The following PARM1 variants were observed in gnomAD, a reference collection of about 807,000 sequenced individuals.
PARM1 encodes the protein prostate androgen-regulated mucin-like protein 1.
PARM1 carries 14 observed loss-of-function variants against 24.6 expected under a neutral mutation model. That is an observed-to-expected ratio of 0.57 (90% CI 0.38 to 0.89). The LOEUF (loss-of-function observed/expected upper bound fraction) is 0.89, where lower values mean the gene tolerates loss of function less well. Ranked by LOEUF, PARM1 falls within the 40% of genes least tolerant of loss-of-function variation. PARM1 has a pLI of 0.00. For synonymous variants in PARM1, 179 were observed against 156.6 expected (o/e 1.14, Z -1.07); for missense variants, 362 against 380.4 (o/e 0.95, Z 0.40).
At chr4:74,987,777 A>T (rs189651839) in intron 1 of PARM1, among the ~76,000 whole-genome samples, 18 of 152,230 alleles carry the variant, frequency 1.2e-4, no homozygotes, top group Admixed American at 1.1e-3. Context: ...TTTGAAAGAG[A>T]TTAAAATCAG....
intron 1 of PARM1, among the ~76,000 whole-genome samples, chr4:75,007,245 G>A (rs1056155126): frequency 2.0e-5 from 3 of 152,184 alleles, no homozygotes; most frequent in Non-Finnish European, 4.4e-5. Context: ...GAGAGGATGT[G>A]GAGAAATAGG....
chr4:74,943,784 T>C (rs1578021922), intron 1 of PARM1, among the ~76,000 whole-genome samples: 1 of 152,300 alleles, frequency 6.6e-6, no homozygotes, highest in African/African-American at 2.4e-5. Context: ...TGATGAAAAG[T>C]GATTTGAGTC....
intron 1 of PARM1, among the ~76,000 whole-genome samples, chr4:74,971,963 A>G (rs900867096): frequency 2.6e-5 from 4 of 152,230 alleles, no homozygotes; most frequent in Admixed American, 6.5e-5. Context: ...AGCCACAAGC[A>G]TAATAATTTT....
intron 1 of PARM1, among the ~76,000 whole-genome samples, chr4:74,934,247 G>T (rs1721129103): frequency 6.6e-6 from 1 of 152,114 alleles, no homozygotes; most frequent in Non-Finnish European, 1.5e-5. Context: ...TCCAGAAAAC[G>T]TCTCCCGAAA....
rs565350651 is a variant in PARM1 at position 74,935,319 on chromosome 4, A to G, written c.43+1949A>G. On this transcript the variant is annotated intron_variant, in intron 1 of 3. Transcript: ENST00000307428. ...TTGTGCCTTTGAAGGAATCTCTTTAAGACGTCAGTTTGTTGTTAGAGCTAC... is the reference window on the plus strand; with the variant it reads ...TTGTGCCTTTGAAGGAATCTCTTTAGGACGTCAGTTTGTTGTTAGAGCTAC... Among the ~76,000 whole-genome samples the G allele has an allele frequency of 9.8e-5, 15 of 152,334 alleles. No individual in the cohort carries two copies. In the East Asian group the frequency reaches 1.9e-3, roughly 20 times the overall value.
intron 2 of PARM1, among the ~76,000 whole-genome samples, chr4:75,021,674 C>T (rs770823630): frequency 2.4e-4 from 37 of 152,166 alleles, no homozygotes; most frequent in Non-Finnish European, 4.9e-4. Context: ...TACGTATACT[C>T]GAGGTTTACC....
Position 75,015,323 on chromosome 4 carries a change from G to C in PARM1, c.769+2173G>C, listed in dbSNP as rs570514549. ...CAGCAGGGTCAAGAGGCCCCAAATT[G>C]GTGGCAGTTGGCTCATAAACCTTGA... On this transcript the variant is annotated intron_variant, in intron 2 of 3. Coordinates refer to ENST00000307428, the MANE Select transcript of PARM1 (RefSeq NM_015393.4). Among the ~76,000 whole-genome samples, 3 of 152,290 alleles carry C rather than the reference G, an allele frequency of 2.0e-5. No individual in the cohort carries two copies. In the East Asian group the frequency reaches 5.8e-4, roughly 29 times the overall value.
At chr4:74,950,392 A>G (rs191698972) in intron 1 of PARM1, among the ~76,000 whole-genome samples, 5 of 152,098 alleles carry the variant, frequency 3.3e-5, no homozygotes, top group East Asian at 1.9e-4. Context: ...CATCACTTCA[A>G]TCTCCACCTC....
chr4:74,948,951 G>A (rs539219825), intron 1 of PARM1, among the ~76,000 whole-genome samples: 137 of 152,232 alleles, frequency 9.0e-4, no homozygotes, highest in Non-Finnish European at 1.5e-3. Context: ...GAACCCAGGA[G>A]GCGGAGGTTG....
chr4:75,018,152 T>C (rs1452259390), intron 2 of PARM1, among the ~76,000 whole-genome samples: 1 of 152,214 alleles, frequency 6.6e-6, no homozygotes, highest in Non-Finnish European at 1.5e-5. Context: ...TAGCCATGAG[T>C]AATACAGTCA....
intron 1 of PARM1, among the ~76,000 whole-genome samples, chr4:74,969,178 C>T (rs1291670269): frequency 6.6e-6 from 1 of 152,202 alleles, no homozygotes; most frequent in Non-Finnish European, 1.5e-5. Flanking sequence ...CCGACATCCC[C>T]TACTCTTTCT....
At chr4:75,019,399 C>T (rs1210148342) in intron 2 of PARM1, among the ~76,000 whole-genome samples, 2 of 152,204 alleles carry the variant, frequency 1.3e-5, no homozygotes, top group Non-Finnish European at 2.9e-5. Context: ...TCTCTTTTGT[C>T]TGTAAAATCC....
chr4:74,984,254 A>G (rs1025076472), intron 1 of PARM1, among the ~76,000 whole-genome samples: 1 of 152,228 alleles, frequency 6.6e-6, no homozygotes, highest in Non-Finnish European at 1.5e-5. Context: ...AAAAATTGAA[A>G]AGTGTTCTAT....
chr4:74,959,722 T>G (rs1471625620), intron 1 of PARM1, among the ~76,000 whole-genome samples: 1 of 152,254 alleles, frequency 6.6e-6, no homozygotes, highest in East Asian at 1.9e-4. Flanking sequence ...GTATTAAACT[T>G]GTATCAACAA....
intron 1 of PARM1, among the ~76,000 whole-genome samples, chr4:75,007,975 G>A (rs150344881): frequency 3.5e-4 from 53 of 152,268 alleles, no homozygotes; most frequent in Non-Finnish European, 5.4e-4. Context: ...TTACAACTGC[G>A]AAAATTAAAT....
At chr4:74,987,425 G>A (rs62314877) in intron 1 of PARM1, among the ~76,000 whole-genome samples, 1 of 152,080 alleles carries the variant, frequency 6.6e-6, no homozygotes, top group Non-Finnish European at 1.5e-5. Context: ...ATGTTCTACT[G>A]TTTATAAATG....
chr4:75,019,376 G>T (rs182622453), intron 2 of PARM1, among the ~76,000 whole-genome samples: 2 of 152,160 alleles, frequency 1.3e-5, no homozygotes, highest in African/African-American at 4.8e-5. Flanking sequence ...TGTGCTTGTT[G>T]CAAAGTAGAT....
chr4:75,030,688 C>T (rs1041560877), intron 2 of PARM1, among the ~76,000 whole-genome samples: 2 of 152,088 alleles, frequency 1.3e-5, no homozygotes, highest in Non-Finnish European at 2.9e-5. Context: ...CTGCCCATTC[C>T]AGGGCTTTAT....
intron 2 of PARM1, among the ~76,000 whole-genome samples, chr4:75,032,925 G>A (rs1011051903): frequency 6.6e-6 from 1 of 152,114 alleles, no homozygotes; most frequent in African/African-American, 2.4e-5. Flanking sequence ...AAGTATTAGG[G>A]GACAAGAGCC....
Sources: allele counts gnomAD v4.1 joint callset (sites outside exome capture counted in the v4.1 genomes callset), GRCh38; gene constraint gnomAD v4.1.1; transcripts MANE v1.5; gene names NCBI Gene and HGNC (gene_info 2026-07-23, HGNC 2026-07-21).